Variants in FILIP1 observed in about 807,000 individuals in gnomAD.
FILIP1 encodes filamin-A-interacting protein 1.
FILIP1 carries 61 observed loss-of-function variants against 102.1 expected under a neutral mutation model. The ratio of observed to expected loss-of-function variants is 0.60; its 90% CI spans 0.49 to 0.74. FILIP1 has a LOEUF of 0.74. Ranked by LOEUF, FILIP1 falls within the 30% of genes least tolerant of loss-of-function variation. The pLI, the probability that FILIP1 is intolerant of heterozygous loss-of-function variation, is 0.00. For synonymous variants in FILIP1, 491 were observed against 526.9 expected, an observed-to-expected ratio of 0.93 and a Z score of 0.93; for missense variants, 1,314 against 1,441.2, an observed-to-expected ratio of 0.91 and a Z score of 1.43.
At chr6:75,332,057 G>A (rs368398192) in intron 4 of FILIP1, among the ~76,000 whole-genome samples, 6 of 152,158 alleles carry the variant, frequency 3.9e-5, no homozygotes, top group African/African-American at 9.6e-5. Context: ...CCCTGATCTC[G>A]AACTCTCAGC....
intron 2 of FILIP1, among the ~76,000 whole-genome samples, chr6:75,391,548 T>G (rs1436886615): frequency 6.6e-6 from 1 of 152,160 alleles, no homozygotes; most frequent in Non-Finnish European, 1.5e-5. Context: ...ACTGCATCTT[T>G]GCTGGTATAT....
intron 1 of FILIP1, among the ~76,000 whole-genome samples, chr6:75,434,350 CCT>C (rs1478065807): frequency 6.6e-6 from 1 of 152,174 alleles, no homozygotes; most frequent in Admixed American, 6.6e-5. Context: ...TTGTTTGTAT[CCT>C]CTCTTATTTC....
At position 75,455,782 on chromosome 6, in the gene FILIP1, A is replaced by G. The variant is rs138296464; in HGVS notation, c.-7+37632T>C. On this transcript the variant is annotated intron_variant, in intron 1 of 5. Transcript: ENST00000237172. ...CTTATCTTGATACATTTACCTTTCAAATCAAATCACCAGTGAATTACTGAA... is the reference window on the plus strand; with the variant it reads ...CTTATCTTGATACATTTACCTTTCAGATCAAATCACCAGTGAATTACTGAA... Among the ~76,000 whole-genome samples, 79 of 152,252 alleles carry G rather than the reference A, an allele frequency of 5.2e-4. No individual in the cohort carries two copies. In the East Asian group the frequency reaches 6.8e-3, roughly 13 times the overall value.
chr6:75,353,771 C>A, intron 3 of FILIP1, 54 bp from the exon 4 acceptor site: 1 of 1,567,326 alleles, frequency 6.4e-7, no homozygotes, highest in Non-Finnish European at 8.6e-7. Flanking sequence ...TTGCATAGGA[C>A]TCTAAATAAT....
chr6:75,480,069 C>T (rs943587995), intron 1 of FILIP1, among the ~76,000 whole-genome samples: 1 of 151,708 alleles, frequency 6.6e-6, no homozygotes, highest in African/African-American at 2.4e-5. Context: ...GTCTTCCCCA[C>T]CTATATATGT....
chr6:75,327,025 T>G (rs1562463035), intron 4 of FILIP1, among the ~76,000 whole-genome samples: 1 of 152,106 alleles, frequency 6.6e-6, no homozygotes, highest in Non-Finnish European at 1.5e-5. Context: ...CATCAATCCA[T>G]TCAGTAGCGT....
intron 4 of FILIP1, among the ~76,000 whole-genome samples, chr6:75,323,354 G>A (rs1773727607): frequency 6.6e-6 from 1 of 152,114 alleles, no homozygotes; most frequent in Admixed American, 6.5e-5. Flanking sequence ...TTTACTGTAT[G>A]TAAATTATAT....
intron 2 of FILIP1, chr6:75,385,661 C>G (rs1207308442): frequency 6.6e-6 from 1 of 151,964 alleles, no homozygotes; most frequent in Non-Finnish European, 1.5e-5. Context: ...TATGCAGATC[C>G]TGAAGTCAAC....
chr6:75,335,306 TC>T, intron 4 of FILIP1, among the ~76,000 whole-genome samples: 1 of 152,328 alleles, frequency 6.6e-6, no homozygotes, highest in East Asian at 1.9e-4. Context: ...TGAATTTTTT[TC>T]CCTAAGTGTT....
chr6:75,338,565 T>C (rs1050465593), intron 4 of FILIP1, among the ~76,000 whole-genome samples: 1 of 152,154 alleles, frequency 6.6e-6, no homozygotes, highest in Non-Finnish European at 1.5e-5. Context: ...AAAGTAAAAA[T>C]ACGAAAACAA....
At chr6:75,342,134 T>A (rs1774437558) in intron 4 of FILIP1, among the ~76,000 whole-genome samples, 1 of 152,230 alleles carries the variant, frequency 6.6e-6, no homozygotes. Flanking sequence ...CTCAGAGTTA[T>A]CTGTCTCTAA....
At chr6:75,473,137 C>T (rs1779377488) in intron 1 of FILIP1, among the ~76,000 whole-genome samples, 1 of 152,062 alleles carries the variant, frequency 6.6e-6, no homozygotes, top group South Asian at 2.1e-4. Flanking sequence ...TTGAGAAGAT[C>T]ATATGTTGCT....
intron 4 of FILIP1, among the ~76,000 whole-genome samples, chr6:75,349,485 ACTTTCTT>A (rs1774711703): frequency 6.6e-6 from 1 of 152,138 alleles, no homozygotes; most frequent in South Asian, 2.1e-4. Context: ...CTCAAACTTC[ACTTTCTT>A]CCCTTACTCA....
intron 6 of FILIP1, among the ~76,000 whole-genome samples, chr6:75,299,657 T>C (rs1772781919): frequency 6.6e-6 from 1 of 152,176 alleles, no homozygotes; most frequent in Admixed American, 6.5e-5. Context: ...ACCTTGACGT[T>C]TTTTTCCTTA....
At chr6:75,362,609 T>C (rs1472939547) in intron 3 of FILIP1, 135 bp downstream of exon 3, 1 of 706,432 alleles carries the variant, frequency 1.4e-6, no homozygotes, top group Non-Finnish European at 2.3e-6. Flanking sequence ...CTTATTTAAT[T>C]ACACTTTAAT....
chr6:75,368,193 A>G (rs145183315), intron 2 of FILIP1, among the ~76,000 whole-genome samples: 1 of 152,168 alleles, frequency 6.6e-6, no homozygotes, highest in Non-Finnish European at 1.5e-5. Context: ...CACAACTGAA[A>G]CTGCACCAGG....
intron 5 of FILIP1, among the ~76,000 whole-genome samples, chr6:75,311,278 G>C (rs1183533078): frequency 6.6e-6 from 1 of 151,848 alleles, no homozygotes; most frequent in African/African-American, 2.4e-5. Flanking sequence ...CATCTCCTGG[G>C]TTCAGGTGAT....
At chr6:75,410,269 CTG>C (rs1562561562) in intron 2 of FILIP1, among the ~76,000 whole-genome samples, 5 of 152,150 alleles carry the variant, frequency 3.3e-5, no homozygotes, top group Non-Finnish European at 5.9e-5. Flanking sequence ...TAGGTCTAAG[CTG>C]AGAGTAACTT....
intron 4 of FILIP1, among the ~76,000 whole-genome samples, chr6:75,325,994 A>G (rs969465893): frequency 2.0e-5 from 3 of 152,202 alleles, no homozygotes; most frequent in Non-Finnish European, 4.4e-5. Context: ...CTGCAAAAAT[A>G]TGAAACCAGC....
Sources: allele counts gnomAD v4.1 joint callset (sites outside exome capture counted in the v4.1 genomes callset), GRCh38; gene constraint gnomAD v4.1.1; transcripts MANE v1.5; gene names NCBI Gene and HGNC (gene_info 2026-07-23, HGNC 2026-07-21).